Variants in CNTN4 observed in about 807,000 individuals in gnomAD.
CNTN4 encodes the protein contactin 4, also known as contactin-4.
Under a neutral mutation model 122.5 loss-of-function variants are expected in CNTN4, and 77 were observed. That is an observed-to-expected ratio of 0.63 (90% CI 0.52 to 0.76). The LOEUF (loss-of-function observed/expected upper bound fraction) is 0.76, where lower values mean the gene tolerates loss of function less well. Ranked by LOEUF, CNTN4 falls within the 30% of genes least tolerant of loss-of-function variation. CNTN4 has a pLI of 0.00. For missense variants in CNTN4, 1,256 were observed against 1,259.1 expected, an observed-to-expected ratio of 1.00 and a Z score of 0.04; for synonymous variants, 512 against 447.0, an observed-to-expected ratio of 1.15 and a Z score of -1.83.
At chr3:2,859,122 G>A (rs917810067) in intron 7 of CNTN4, among the ~76,000 whole-genome samples, 1 of 152,136 alleles carries the variant, frequency 6.6e-6, no homozygotes, top group Non-Finnish European at 1.5e-5. Context: ...TGTGTTCAAC[G>A]TTTTGTGATT....
intron 7 of CNTN4, among the ~76,000 whole-genome samples, chr3:2,839,718 A>G (rs1474569183): frequency 6.6e-6 from 1 of 152,128 alleles, no homozygotes; most frequent in East Asian, 1.9e-4. Flanking sequence ...TGTTGGTTAC[A>G]GTGCACCCAA....
intron 6 of CNTN4, among the ~76,000 whole-genome samples, chr3:2,819,272 G>A (rs188693248): frequency 3.9e-4 from 60 of 152,260 alleles, no homozygotes; most frequent in African/African-American, 1.2e-3. Context: ...AAATAGGCAC[G>A]TGTGGTAAGT....
At chr3:2,117,131 A>G (rs1239154443) in intron 2 of CNTN4, among the ~76,000 whole-genome samples, 1 of 152,214 alleles carries the variant, frequency 6.6e-6, no homozygotes, top group Non-Finnish European at 1.5e-5. Context: ...CCAATGCCAC[A>G]GGCAAGCCTC....
At chr3:2,137,046 TC>T (rs2034727447) in intron 2 of CNTN4, among the ~76,000 whole-genome samples, 1 of 152,176 alleles carries the variant, frequency 6.6e-6, no homozygotes, top group Non-Finnish European at 1.5e-5. Flanking sequence ...GAAAATATTT[TC>T]CCAGTATCTA....
rs150785488 is a variant in CNTN4, at chr3:2,629,653, G to A, written c.55+58095G>A. ...CTTTCTTAGTTTTCCACAGTTCATG[G>A]TTCTCCTGTAGGCCACTAATATTCC... On this transcript the variant is annotated intron_variant, in intron 4 of 24. Coordinates refer to ENST00000418658, the MANE Select transcript of CNTN4 (RefSeq NM_175607.3). 6.2e-4 allele frequency: 248 copies of A among 397,834 alleles called. 1 individual carries two copies. Among genetic ancestry groups the A allele is most frequent in the African/African-American group, 4.3e-3 (202 of 47,362 alleles). 24.6% of individuals were successfully genotyped at this position (397,834 alleles called of 1,614,324 possible). A position where few individuals can be genotyped will look rare whatever the true frequency, so the allele number is the denominator to read the frequency against.
intron 3 of CNTN4, among the ~76,000 whole-genome samples, chr3:2,455,857 A>AC (rs987888531): frequency 8.5e-5 from 13 of 152,118 alleles, no homozygotes; most frequent in African/African-American, 3.1e-4. Flanking sequence ...ATTAGTGGAG[A>AC]CTAAACCTGG....
intron 12 of CNTN4, among the ~76,000 whole-genome samples, chr3:2,903,296 T>C (rs1398172187): frequency 2.0e-5 from 3 of 152,202 alleles, no homozygotes; most frequent in Non-Finnish European, 2.9e-5. Context: ...TGAGATGCTT[T>C]TTGGAGTCTG....
chr3:2,359,281 G>A (rs191936714), intron 3 of CNTN4, among the ~76,000 whole-genome samples: 4 of 151,758 alleles, frequency 2.6e-5, no homozygotes, highest in African/African-American at 4.9e-5. Flanking sequence ...GGAGAGAACC[G>A]CATACAGCTA....
chr3:2,641,725 A>C lies in CNTN4; in HGVS notation c.55+70167A>C, dbSNP rs78839370. 2.2e-3 allele frequency among the ~76,000 whole-genome samples: 342 copies of C among 152,284 alleles called. 6 individuals are homozygous for C. In the East Asian group the frequency reaches 0.028, roughly 13 times the overall value. The stretch of plus-strand genomic sequence containing the variant: ...ATGAATTACAATGCAATTTGGTATC[A>C]TGGAGGTGAATTTTTTAAATTTTGT... On this transcript the variant is annotated intron_variant, in intron 4 of 24. Transcript: ENST00000418658.
chr3:2,214,532 C>G (rs879775979), intron 2 of CNTN4, among the ~76,000 whole-genome samples: 5 of 152,096 alleles, frequency 3.3e-5, no homozygotes, highest in Non-Finnish European at 7.4e-5. Context: ...GCAAAACAGA[C>G]AGTTTCTCAG....
chr3:2,457,186 G>A (rs1040519425), intron 3 of CNTN4, among the ~76,000 whole-genome samples: 4 of 151,850 alleles, frequency 2.6e-5, no homozygotes, highest in Admixed American at 6.6e-5. Flanking sequence ...TGCTTTTCCC[G>A]GGCATACTTT....
intron 19 of CNTN4, 27 bp downstream of exon 19, chr3:3,039,030 C>T (rs747494194): frequency 1.2e-5 from 18 of 1,556,574 alleles, no homozygotes; most frequent in South Asian, 5.6e-5. Flanking sequence ...ATAAAAGGAA[C>T]GTACACGCAT....
chr3:2,182,204 A>T (rs1337194301), intron 2 of CNTN4, among the ~76,000 whole-genome samples: 2 of 152,004 alleles, frequency 1.3e-5, no homozygotes, highest in African/African-American at 4.8e-5. Context: ...GTAGGTGGAA[A>T]ATTAGTTATC....
At chr3:3,016,054 CATTCTA>C (rs1697726475) in intron 14 of CNTN4, among the ~76,000 whole-genome samples, 1 of 152,078 alleles carries the variant, frequency 6.6e-6, no homozygotes, top group Admixed American at 6.6e-5. Flanking sequence ...AAACAGAAAA[CATTCTA>C]ATTATTATTT....
intron 3 of CNTN4, among the ~76,000 whole-genome samples, chr3:2,522,541 A>T (rs1002085795): frequency 2.6e-5 from 4 of 152,096 alleles, no homozygotes; most frequent in Non-Finnish European, 5.9e-5. Context: ...TCTCATGTTA[A>T]TTTGACTTAC....
intron 3 of CNTN4, among the ~76,000 whole-genome samples, chr3:2,479,518 G>A (rs2075926178): frequency 6.6e-6 from 1 of 152,160 alleles, no homozygotes; most frequent in African/African-American, 2.4e-5. Context: ...AACTTAAGCG[G>A]GGAAGGGAAC....
chr3:2,729,335 C>T (rs887862438), intron 4 of CNTN4, among the ~76,000 whole-genome samples: 9 of 151,324 alleles, frequency 5.9e-5, no homozygotes, highest in Non-Finnish European at 8.8e-5. Flanking sequence ...GAGGCCAAGG[C>T]GGGCGGATCA....
At chr3:2,683,948 C>T (rs962590484) in intron 4 of CNTN4, among the ~76,000 whole-genome samples, 3 of 152,110 alleles carry the variant, frequency 2.0e-5, no homozygotes, top group African/African-American at 7.2e-5. Flanking sequence ...AAGAAATTCC[C>T]CATGATGAGT....
chr3:3,049,987 A>G (rs187375866), intron 23 of CNTN4, among the ~76,000 whole-genome samples: 45 of 152,332 alleles, frequency 3.0e-4, no homozygotes, highest in Non-Finnish European at 6.3e-4. Flanking sequence ...AGACTGGGCA[A>G]TTAATATGAA....
Sources: allele counts gnomAD v4.1 joint callset (sites outside exome capture counted in the v4.1 genomes callset), GRCh38; gene constraint gnomAD v4.1.1; transcripts MANE v1.5; gene names NCBI Gene and HGNC (gene_info 2026-07-23, HGNC 2026-07-21).